ZFTRAF1: variants seen among roughly 807,000 people sequenced by gnomAD.
ZFTRAF1 encodes zinc finger TRAF-type and ring finger containing 1, also known as zinc finger TRAF-type-containing protein 1.
the ZFTRAF1 span, chr8:144,456,434 A>G: frequency 6.6e-6 from 1 of 152,368 alleles, no homozygotes; most frequent in Non-Finnish European, 1.5e-5. Context: ...CCCAACACCC[A>G]ACAGAAGCTG....
the ZFTRAF1 span, among the ~76,000 whole-genome samples, chr8:144,459,544 C>T: frequency 6.6e-6 from 1 of 152,244 alleles, no homozygotes; most frequent in Non-Finnish European, 1.5e-5. Flanking sequence ...ATCGTACGGG[C>T]ACAGGCCCAT....
chr8:144,462,307 G>C, the ZFTRAF1 span: 2 of 600,220 alleles, frequency 3.3e-6, no homozygotes, highest in Non-Finnish European at 6.0e-6. Context: ...CCTTGGGCAG[G>C]TCCAGGCACA....
chr8:144,453,211 C>A, the ZFTRAF1 span: 2 of 1,549,676 alleles, frequency 1.3e-6, no homozygotes, highest in Non-Finnish European at 1.7e-6. Flanking sequence ...AAGCCCCTGA[C>A]CCTCAGTTAC....
the ZFTRAF1 span, chr8:144,457,729 C>T: frequency 6.6e-6 from 1 of 152,286 alleles, no homozygotes; most frequent in South Asian, 2.1e-4. Flanking sequence ...GGCTGAGGGC[C>T]CCCACGATTT....
At chr8:144,452,262 A>C in the ZFTRAF1 span, 1 of 1,338,964 alleles carries the variant, frequency 7.5e-7, no homozygotes, top group Non-Finnish European at 1.0e-6. Context: ...CGGCGCTGTC[A>C]GTGCCCAGTG....
At chr8:144,453,499 C>T in the ZFTRAF1 span, 12 of 1,513,082 alleles carry the variant, frequency 7.9e-6, no homozygotes, top group African/African-American at 1.4e-5. Context: ...CACAGACCTG[C>T]GGGCTCATGC....
chr8:144,459,261 G>A, the ZFTRAF1 span, among the ~76,000 whole-genome samples: 3 of 152,338 alleles, frequency 2.0e-5, no homozygotes, highest in South Asian at 2.1e-4. Context: ...CCACCTGCGC[G>A]GCCTGGTCAG....
the ZFTRAF1 span, chr8:144,450,724 C>A: frequency 1.8e-5 from 13 of 713,362 alleles, no homozygotes; most frequent in East Asian, 2.4e-4. Flanking sequence ...TCTCATAGTA[C>A]AGGCGCGTGA....
the ZFTRAF1 span, chr8:144,457,171 G>A: frequency 6.6e-6 from 1 of 150,986 alleles, no homozygotes; most frequent in African/African-American, 2.4e-5. Flanking sequence ...ACATCACAGG[G>A]GAATGATGTC....
the ZFTRAF1 span, among the ~76,000 whole-genome samples, chr8:144,459,557 G>A: frequency 2.6e-5 from 4 of 152,230 alleles, no homozygotes; most frequent in Non-Finnish European, 5.9e-5. Context: ...AGGCCCATGG[G>A]TCAGCTGGCC....
chr8:144,460,145 G>A, the ZFTRAF1 span, among the ~76,000 whole-genome samples: 19 of 152,274 alleles, frequency 1.2e-4, no homozygotes, highest in South Asian at 4.1e-4. Flanking sequence ...GGTGTTCTTC[G>A]CAGCATTCAG....
chr8:144,461,356 G>A, the ZFTRAF1 span, among the ~76,000 whole-genome samples: 1 of 152,206 alleles, frequency 6.6e-6, no homozygotes, highest in South Asian at 2.1e-4. Context: ...GAGAGGGAAA[G>A]ACACAGGGAA....
At chr8:144,450,877 G>C in the ZFTRAF1 span, 2 of 603,938 alleles carry the variant, frequency 3.3e-6, no homozygotes, top group Non-Finnish European at 6.0e-6. Context: ...GGGGAGGAAG[G>C]CAACTTACCC....
At chr8:144,452,641 A>G in the ZFTRAF1 span, 6 of 1,384,874 alleles carry the variant, frequency 4.3e-6, no homozygotes, top group South Asian at 1.4e-5. Context: ...GTCCTCCCAT[A>G]TGGCTTCCAT....
At chr8:144,453,109 G>T in the ZFTRAF1 span, 1 of 949,488 alleles carries the variant, frequency 1.1e-6, no homozygotes, top group Non-Finnish European at 1.6e-6. Flanking sequence ...GGTCCCCAAG[G>T]CCCAGACAGC....
chr8:144,461,763 T>C, the ZFTRAF1 span, among the ~76,000 whole-genome samples: 3 of 152,102 alleles, frequency 2.0e-5, no homozygotes, highest in African/African-American at 4.8e-5. Flanking sequence ...AAAGGATTCT[T>C]CCACCCAGGA....
chr8:144,452,576 G>A, the ZFTRAF1 span: 2 of 1,535,668 alleles, frequency 1.3e-6, no homozygotes, highest in South Asian at 2.4e-5. Flanking sequence ...TTACCCTGGG[G>A]GAGGCAGGTA....
chr8:144,460,122 G>A, the ZFTRAF1 span, among the ~76,000 whole-genome samples: 12 of 152,198 alleles, frequency 7.9e-5, no homozygotes, highest in Admixed American at 7.9e-4. Context: ...ACAGCCGAGA[G>A]CCACCCGCCG....
the ZFTRAF1 span, among the ~76,000 whole-genome samples, chr8:144,458,136 T>C: frequency 1.3e-5 from 2 of 152,214 alleles, no homozygotes; most frequent in African/African-American, 4.8e-5. Context: ...GACTGGCACG[T>C]TGTCCAAGGC....
Sources: gnomAD v4.1 joint callset for allele counts (sites outside exome capture counted in the v4.1 genomes callset) on GRCh38, gnomAD v4.1.1 for gene constraint, MANE v1.5 for transcripts, NCBI Gene and HGNC (gene_info 2026-07-23, HGNC 2026-07-21) for gene names.